Variants in A2ML1 observed in about 807,000 individuals in gnomAD.
The protein encoded by A2ML1 is alpha-2-macroglobulin-like protein 1.
In A2ML1, 161 loss-of-function variants were observed where a neutral mutation model predicts 181.9. The observed-to-expected ratio is 0.89, with a 90% CI of 0.78 to 1.01. The LOEUF (loss-of-function observed/expected upper bound fraction) is 1.01. A2ML1 is among the 50% of genes least tolerant of loss of function. The pLI, the probability that A2ML1 is intolerant of heterozygous loss-of-function variation, is 0.00. For synonymous variants in A2ML1, 663 were observed against 666.8 expected (o/e 0.99, Z 0.09); for missense variants, 1,670 against 1,768.1 (o/e 0.94, Z 1.00).
intron 12 of A2ML1, among the ~76,000 whole-genome samples, chr12:8,844,505 C>G (rs1717421499): frequency 6.6e-6 from 1 of 152,094 alleles, no homozygotes; most frequent in African/African-American, 2.4e-5. Context: ...AAAATCATAA[C>G]TTGGTAGCCT....
At chr12:8,829,035 G>T (rs186088058) in intron 3 of A2ML1, among the ~76,000 whole-genome samples, 1 of 152,212 alleles carries the variant, frequency 6.6e-6, no homozygotes, top group Non-Finnish European at 1.5e-5. Flanking sequence ...CGGGGAGGGG[G>T]TGAATCAGCA....
chr12:8,863,149 C>G (rs1039505609), intron 28 of A2ML1, among the ~76,000 whole-genome samples: 5 of 150,978 alleles, frequency 3.3e-5, no homozygotes, highest in African/African-American at 1.2e-4. Context: ...TTTTGTTGCC[C>G]AGGTTGGAGT....
intron 26 of A2ML1, among the ~76,000 whole-genome samples, chr12:8,858,455 G>A (rs1944147604): frequency 6.6e-6 from 1 of 152,068 alleles, no homozygotes; most frequent in Non-Finnish European, 1.5e-5. Flanking sequence ...GCTTGTTAGT[G>A]CATGCCTGTA....
Position 8,854,232 on chromosome 12 carries a change from A to G in A2ML1, c.2695A>G (p.Lys899Glu). The G allele has an allele frequency of 6.2e-7, 1 of 1,605,052 alleles. No individual in the cohort carries two copies. Among genetic ancestry groups the G allele is most frequent in the Non-Finnish European group, 8.5e-7 (1 of 1,175,780 alleles). Reference sequence around the variant, plus strand: ...AAAGGGCCGAAGTGACACGCTCATCAAGCCAGTTCTCGTCAAAGTGAGTTT... The same window carrying G: ...AAAGGGCCGAAGTGACACGCTCATCGAGCCAGTTCTCGTCAAAGTGAGTTT... ...PQKGRSDTLIKPVLVKPEGVL... is the reference protein window; with the variant it reads ...PQKGRSDTLIEPVLVKPEGVL... Residue 899 changes from lysine to glutamate, a missense_variant, in exon 21 of 36, where the codon AAG (lysine) becomes GAG (glutamate). Transcript: ENST00000299698.
At chr12:8,830,736 A>T (rs1181723661) in intron 4 of A2ML1, 1 of 152,070 alleles carries the variant, frequency 6.6e-6, no homozygotes, top group Non-Finnish European at 1.5e-5. Flanking sequence ...TTAGAGATAA[A>T]CATAGAGAAA....
chr12:8,886,645 A>G (rs1944923752), exon 8 of A2ML1: 1 of 152,142 alleles, frequency 6.6e-6, no homozygotes, highest in South Asian at 2.1e-4. Context: ...AGTGTTAACA[A>G]CTGATAGCTA....
intron 4 of A2ML1, among the ~76,000 whole-genome samples, chr12:8,834,272 A>G (rs998531910): frequency 2.0e-5 from 3 of 152,370 alleles, no homozygotes; most frequent in Admixed American, 1.3e-4. Flanking sequence ...GGAAGAAGCC[A>G]GGAGATGGTT....
intron 4 of A2ML1, among the ~76,000 whole-genome samples, chr12:8,832,098 TG>T (rs1943136663): frequency 6.6e-6 from 1 of 151,956 alleles, no homozygotes; most frequent in South Asian, 2.1e-4. Flanking sequence ...GCTTGGGAAG[TG>T]GGGAGTGCTG....
At chr12:8,877,276 C>T (rs16917872), downstream of A2ML1, among the ~76,000 whole-genome samples, 23,459 of 152,134 alleles carry the variant, frequency 0.15, 2,968 homozygotes, top group African/African-American at 0.35. Flanking sequence ...CCCTTGATTG[C>T]AAATTCTGAC....
chr12:8,831,872 CCCAAGTAGCTGGGATTACAGGCATGCG>C (rs1476830587), intron 4 of A2ML1, among the ~76,000 whole-genome samples: 1 of 152,110 alleles, frequency 6.6e-6, no homozygotes, highest in Non-Finnish European at 1.5e-5. Context: ...GCCTCAGCCT[CCCAAGTAGCTGGGATTACAGGCATGCG>C]CCAACACGCC....
At chr12:8,856,756 A>G (rs778874237) in intron 23 of A2ML1, among the ~76,000 whole-genome samples, 1 of 152,342 alleles carries the variant, frequency 6.6e-6, no homozygotes, top group Non-Finnish European at 1.5e-5. Context: ...CATATCCAGT[A>G]TGACATTGTA....
At chr12:8,883,999 T>C (rs1944894583) in intron 7 of A2ML1, among the ~76,000 whole-genome samples, 1 of 152,082 alleles carries the variant, frequency 6.6e-6, no homozygotes, top group Non-Finnish European at 1.5e-5. Flanking sequence ...TTAATCAGGC[T>C]GGTCTTGAAC....
chr12:8,853,846 G>A (rs143775077), intron 20 of A2ML1, among the ~76,000 whole-genome samples: 2 of 152,238 alleles, frequency 1.3e-5, no homozygotes, highest in African/African-American at 2.4e-5. Flanking sequence ...TAACAGAAGC[G>A]AGTCACTCAA....
In A2ML1 at chr12:8,852,014, T is replaced by C; in HGVS notation, c.2463+2T>C. The C allele has an allele frequency of 1.9e-6, 3 of 1,613,768 alleles. No homozygotes were observed. The highest frequency in any genetic ancestry group is 2.5e-6 in the Non-Finnish European group (3 of 1,179,658). ...AATTACCTAAAGGATTGCATCAGGG[T>C]GAGAGCTGGGGATACAGGAATCAGG... On this transcript the variant is annotated splice_donor_variant, in intron 19 of 35. Coordinates refer to ENST00000299698, the MANE Select transcript of A2ML1 (RefSeq NM_144670.6). LOFTEE classifies it high-confidence loss of function. The surrounding 1 kb of genome is among the most constrained non-coding windows in gnomAD (Gnocchi z 4.2).
chr12:8,845,568 C>A, intron 13 of A2ML1, 66 bp downstream of exon 13: 1 of 1,561,796 alleles, frequency 6.4e-7, no homozygotes, highest in Non-Finnish European at 8.8e-7. Flanking sequence ...CAATTCTTGG[C>A]CAGGCGCGGT....
intron 33 of A2ML1, among the ~76,000 whole-genome samples, chr12:8,873,032 G>A (rs1478989851): frequency 1.3e-5 from 2 of 151,390 alleles, no homozygotes; most frequent in Admixed American, 1.3e-4. Context: ...ACAATCTCCT[G>A]TATATTTGTA....
intron 33 of A2ML1, among the ~76,000 whole-genome samples, chr12:8,869,960 A>C (rs1944563514): frequency 6.6e-6 from 1 of 152,232 alleles, no homozygotes; most frequent in Admixed American, 6.5e-5. Flanking sequence ...CATAATGTTA[A>C]TATTACTTAA....
intron 3 of A2ML1, among the ~76,000 whole-genome samples, chr12:8,828,154 T>A (rs1341350315): frequency 1.3e-5 from 2 of 152,156 alleles, no homozygotes; most frequent in Admixed American, 1.3e-4. Context: ...AGTCAGCAGG[T>A]GACAAAGCCA....
At position 8,852,354 on chromosome 12, in the gene A2ML1, T is replaced by A. The variant is rs1485813974; in HGVS notation, c.2590+18T>A. The A allele has an allele frequency of 6.2e-7, 1 of 1,613,776 alleles. No individual in the cohort carries two copies. The highest frequency in any genetic ancestry group is 8.5e-7 in the Non-Finnish European group (1 of 1,179,776). ...CAAATTGGGTAAGAGAGGGAAGTGGTAGACGGGCGAGGAAAGCCAGCAGCA... is the reference window on the plus strand; with the variant it reads ...CAAATTGGGTAAGAGAGGGAAGTGGAAGACGGGCGAGGAAAGCCAGCAGCA... On this transcript the variant is annotated intron_variant, in intron 20 of 35. Transcript: ENST00000299698. The surrounding 1 kb of genome is among the most constrained non-coding windows in gnomAD (Gnocchi z 4.2).
Sources: gnomAD v4.1 joint callset for allele counts (sites outside exome capture counted in the v4.1 genomes callset) on GRCh38, gnomAD v4.1.1 for gene constraint, Gnocchi (gnomAD v3.1) non-coding constraint, MANE v1.5 for transcripts, NCBI Gene and HGNC (gene_info 2026-07-23, HGNC 2026-07-21) for gene names.